The following RNLS variants were observed in gnomAD, a reference collection of about 807,000 sequenced individuals.
The protein encoded by RNLS is renalase, FAD dependent amine oxidase, also known as renalase.
Under a neutral mutation model 39.8 loss-of-function variants are expected in RNLS, and 39 were observed. The ratio of observed to expected loss-of-function variants is 0.98; its 90% CI spans 0.76 to 1.28. The LOEUF is 1.28. Among genes scored for constraint, RNLS ranks in the 50% most tolerant of loss-of-function variants. RNLS has a pLI of 0.00. For missense variants in RNLS, 410 were observed against 413.3 expected, an observed-to-expected ratio of 0.99 and a Z score of 0.07; for synonymous variants, 147 against 150.7, an observed-to-expected ratio of 0.98 and a Z score of 0.18.
chr10:88,362,518 T>C (rs2133369286), intron 5 of RNLS, 34 bp downstream of exon 5: 2 of 1,579,966 alleles, frequency 1.3e-6, no homozygotes, highest in East Asian at 2.2e-5. Context: ...CCACCATTGT[T>C]GCTGTATTTA....
intron 3 of RNLS, among the ~76,000 whole-genome samples, chr10:88,574,213 T>C (rs1850022975): frequency 1.3e-5 from 2 of 152,188 alleles, no homozygotes; most frequent in Admixed American, 6.5e-5. Context: ...GTACTCACCT[T>C]CCAGTTTTCA....
rs560520681 is a variant in RNLS, at chr10:88,421,804, A to G, written c.527-59079T>C. On this transcript the variant is annotated intron_variant, in intron 4 of 6. Transcript: ENST00000331772. ...CCAGCCAGTCTGATCCACTGTCCCA[A>G]TTACGTTTCCTCTGACCTTTGCTGC... Among the ~76,000 whole-genome samples, 17 of 152,252 alleles carry G rather than the reference A, an allele frequency of 1.1e-4. No individual in the cohort carries two copies. The East Asian group carries it at 2.5e-3, about 22-fold the overall frequency.
chr10:88,540,838 G>A (rs900492211), intron 4 of RNLS, among the ~76,000 whole-genome samples: 3 of 151,898 alleles, frequency 2.0e-5, no homozygotes, highest in African/African-American at 7.3e-5. Flanking sequence ...ATCAAATCTA[G>A]ATTAGGCAAT....
intron 4 of RNLS, among the ~76,000 whole-genome samples, chr10:88,486,712 C>T (rs1292089663): frequency 6.6e-6 from 1 of 152,026 alleles, no homozygotes; most frequent in Non-Finnish European, 1.5e-5. Context: ...AAAAAAATAA[C>T]AGATGCTGGT....
intron 4 of RNLS, among the ~76,000 whole-genome samples, chr10:88,493,059 C>T (rs572557313): frequency 7.2e-5 from 11 of 152,102 alleles, no homozygotes; most frequent in East Asian, 5.8e-4. Context: ...TAATCTTTTT[C>T]GGTTATTTGA....
intron 4 of RNLS, among the ~76,000 whole-genome samples, chr10:88,374,353 CTGTT>C (rs1192810108): frequency 6.6e-6 from 1 of 151,890 alleles, no homozygotes; most frequent in African/African-American, 2.4e-5. Flanking sequence ...TACCAGGTGT[CTGTT>C]ATTAATTAGT....
chr10:88,583,086 C>T lies in RNLS; in HGVS notation c.105G>A (p.Lys35=). The change falls in exon 1 of 7, where the codon AAG becomes AAA. Residue 35 remains lysine, a synonymous_variant. Transcript: ENST00000331772. ...TAGACAACCCACCTGAGTCCTCAGC[C>T]TTGTCCCACACAGCAAGGTACAAGG... ...SGPLYLAVWD[K]AEDSGGRMTT... The T allele has an allele frequency of 1.2e-6, 2 of 1,613,796 alleles. No homozygotes were observed. The highest frequency in any genetic ancestry group is 8.5e-7 in the Non-Finnish European group (1 of 1,179,834).
At chr10:88,215,114 G>A in the RNLS span, among the ~76,000 whole-genome samples, 1 of 151,752 alleles carries the variant, frequency 6.6e-6, no homozygotes, top group African/African-American at 2.4e-5. Context: ...TTAAATAGGA[G>A]TGAGTAAACT....
At chr10:88,271,533 A>AGTGACAGCAAAACTTCC (rs952906513), downstream of RNLS, among the ~76,000 whole-genome samples, 2 of 152,106 alleles carry the variant, frequency 1.3e-5, no homozygotes, top group Non-Finnish European at 2.9e-5. Flanking sequence ...TTTTCTTCTT[A>AGTGACAGCAAAACTTCC]GTGACAGCAA....
At chr10:88,313,531 A>T in intron 6 of RNLS, among the ~76,000 whole-genome samples, 1 of 152,200 alleles carries the variant, frequency 6.6e-6, no homozygotes, top group East Asian at 1.9e-4. Context: ...TTGAGAAGAT[A>T]TGAGTAAAAC....
intron 4 of RNLS, among the ~76,000 whole-genome samples, chr10:88,425,148 TATA>T (rs1181721898): frequency 1.3e-5 from 2 of 152,106 alleles, no homozygotes; most frequent in East Asian, 1.9e-4. Flanking sequence ...GAACTGTGCA[TATA>T]ATATTTCACC....
intron 6 of RNLS, among the ~76,000 whole-genome samples, chr10:88,290,480 G>C (rs118177025): frequency 0.019 from 2,852 of 152,206 alleles, 41 homozygotes; most frequent in Non-Finnish European, 0.034. Context: ...CACCATGAAT[G>C]CAAATTATGC....
At chr10:88,473,297 T>C (rs1564828135) in intron 4 of RNLS, among the ~76,000 whole-genome samples, 1 of 152,106 alleles carries the variant, frequency 6.6e-6, no homozygotes. Context: ...AGAAGAAAAA[T>C]GGCATAAAGA....
intron 4 of RNLS, among the ~76,000 whole-genome samples, chr10:88,452,403 G>T (rs747045022): frequency 5.3e-5 from 8 of 152,206 alleles, no homozygotes; most frequent in Non-Finnish European, 1.2e-4. Flanking sequence ...TGGCTTGACA[G>T]AGTAATAAAA....
At chr10:88,548,649 T>TAC (rs912150274) in intron 4 of RNLS, among the ~76,000 whole-genome samples, 8 of 146,568 alleles carry the variant, frequency 5.5e-5, no homozygotes, top group African/African-American at 2.0e-4. Context: ...AAAATATACA[T>TAC]ATATATATAT....
intron 3 of RNLS, among the ~76,000 whole-genome samples, chr10:88,579,029 G>T (rs1850371323): frequency 6.6e-6 from 1 of 152,094 alleles, no homozygotes; most frequent in South Asian, 2.1e-4. Flanking sequence ...ACTAATATGA[G>T]AAAAAGCATA....
chr10:88,556,955 T>G (rs930158787), intron 4 of RNLS, among the ~76,000 whole-genome samples: 29 of 152,138 alleles, frequency 1.9e-4, no homozygotes, highest in Non-Finnish European at 4.4e-5. Context: ...TCCACTAGAA[T>G]AGAAGTTCCT....
At chr10:88,492,854 A>G (rs911987431) in intron 4 of RNLS, among the ~76,000 whole-genome samples, 2 of 152,014 alleles carry the variant, frequency 1.3e-5, no homozygotes, top group Non-Finnish European at 2.9e-5. Flanking sequence ...AGGGAAGCAG[A>G]ATGACCAAAC....
intron 5 of RNLS, among the ~76,000 whole-genome samples, chr10:88,318,394 G>A (rs1845925752): frequency 6.6e-6 from 1 of 152,258 alleles, no homozygotes; most frequent in South Asian, 2.1e-4. Context: ...GGGTTGTGGA[G>A]AGGGAGTCAT....
Sources: gnomAD v4.1 joint callset for allele counts (sites outside exome capture counted in the v4.1 genomes callset) on GRCh38, gnomAD v4.1.1 for gene constraint, MANE v1.5 for transcripts, NCBI Gene and HGNC (gene_info 2026-07-23, HGNC 2026-07-21) for gene names.